SLC7A2: variants seen among roughly 807,000 people sequenced by gnomAD.
SLC7A2 encodes the protein cationic amino acid transporter 2.
A neutral mutation model predicts 58.9 loss-of-function variants in SLC7A2; 48 were observed. The observed-to-expected ratio is 0.82, with a 90% CI of 0.65 to 1.04. SLC7A2 has a LOEUF of 1.04. SLC7A2 is among the 50% of genes least tolerant of loss of function. The pLI is 0.00. For missense variants in SLC7A2, 1,029 were observed against 818.8 expected, an observed-to-expected ratio of 1.26 and a Z score of -3.13; for synonymous variants, 363 against 314.5, an observed-to-expected ratio of 1.15 and a Z score of -1.63.
Position 17,565,453 on chromosome 8 carries a change from G to GT in SLC7A2, c.*311dup. On this transcript the variant is annotated 3_prime_UTR_variant, in exon 13 of 13. Transcript: ENST00000494857. ...ACATGAGTGTTACAAGTTAGCTGGT[G>GT]TTTTACTATTATTGTGTTACATTTT... is the stretch of plus-strand genomic sequence containing the variant. The GT allele has an allele frequency of 4.0e-6, 1 of 247,168 alleles. No individual in the cohort carries two copies. The highest frequency in any genetic ancestry group is 7.8e-6 in the Non-Finnish European group (1 of 127,890). The allele number at this position is 247,168 out of a possible 1,614,324, so 15.3% of individuals were successfully genotyped here. A position where few individuals can be genotyped will look rare whatever the true frequency, so the allele number is the denominator to read the frequency against.
chr8:17,542,941 G>A (rs573337506), intron 2 of SLC7A2, among the ~76,000 whole-genome samples: 8 of 152,250 alleles, frequency 5.3e-5, no homozygotes, highest in East Asian at 1.9e-4. Context: ...CAGCCTGGGC[G>A]ACAGAGTGAG....
In SLC7A2 at chr8:17,521,210, A is replaced by G. The variant is rs1045519903; in HGVS notation, c.-23+18908A>G. ...TGAAATTGTATATTTTGATAGAGGG[A>G]GGTCAAATAAATGTTTATATTTCAA... On this transcript the variant is annotated intron_variant, in intron 2 of 12. Transcript: ENST00000494857. 8.1e-4 allele frequency among the ~76,000 whole-genome samples: 124 copies of G among 152,286 alleles called. 1 individual carries two copies. The highest frequency in any genetic ancestry group is 2.6e-3 in the African/African-American group (108 of 41,564).
Position 17,568,800 on chromosome 8 carries a change from CA to C in SLC7A2, c.*3662del, listed in dbSNP as rs1008247055. On this transcript the variant is annotated 3_prime_UTR_variant, in exon 13 of 13. Transcript: ENST00000494857. ...GTAGCATAGCAAGACCCTGTCTCTA[CA>C]AAAAAAACAAAAATTAGCTGGGCAT... 2 of 149,006 alleles carry C rather than the reference CA, an allele frequency of 1.3e-5. No individual in the cohort carries two copies. The highest frequency in any genetic ancestry group is 3.0e-5 in the Non-Finnish European group (2 of 67,220). The allele number at this position is 149,006 out of a possible 1,614,324, so 9.2% of individuals were successfully genotyped here.
In SLC7A2 at chr8:17,569,699, G is replaced by T. The variant is rs1216068938; in HGVS notation, c.*4553G>T. The T allele has an allele frequency of 6.6e-6, 1 of 152,140 alleles. No homozygotes were observed. Among genetic ancestry groups the T allele is most frequent in the Non-Finnish European group, 1.5e-5 (1 of 68,032 alleles). The allele number at this position is 152,140 out of a possible 1,614,324, so 9.4% of individuals were successfully genotyped here. A position where few individuals can be genotyped will look rare whatever the true frequency, so the allele number is the denominator to read the frequency against. On this transcript the variant is annotated 3_prime_UTR_variant, in exon 13 of 13. Transcript: ENST00000494857. Reference sequence around the variant, plus strand: ...TGTATATACACGGTTTAGTCTTACTGATTTCAAATGCATTTTGTTATTGCT... The same window carrying T: ...TGTATATACACGGTTTAGTCTTACTTATTTCAAATGCATTTTGTTATTGCT...
intron 2 of SLC7A2, among the ~76,000 whole-genome samples, chr8:17,509,392 G>T (rs1026705026): frequency 5.3e-5 from 8 of 151,912 alleles, no homozygotes; most frequent in African/African-American, 1.7e-4. Context: ...TGCAACCTCC[G>T]CCTCCCTGGT....
intron 2 of SLC7A2, chr8:17,520,704 TAC>T (rs1169985921): frequency 3.4e-6 from 2 of 589,706 alleles, no homozygotes; most frequent in Non-Finnish European, 4.2e-6. Flanking sequence ...TTACTTTCAT[TAC>T]AAAAAAGTTT....
chr8:17,538,768 T>G, intron 2 of SLC7A2: 2 of 1,607,540 alleles, frequency 1.2e-6, no homozygotes, highest in South Asian at 1.1e-5. Flanking sequence ...TTACTTTTTT[T>G]TCCATCAGTC....
intron 8 of SLC7A2, among the ~76,000 whole-genome samples, chr8:17,557,116 A>G (rs1328722187): frequency 6.6e-6 from 1 of 152,214 alleles, no homozygotes; most frequent in Non-Finnish European, 1.5e-5. Context: ...AAATCCAGCC[A>G]TTTTATATGC....
chr8:17,556,346 T>A (rs1371778117), intron 8 of SLC7A2, among the ~76,000 whole-genome samples: 2 of 152,220 alleles, frequency 1.3e-5, no homozygotes, highest in Non-Finnish European at 2.9e-5. Context: ...TATCTTTCTC[T>A]ATTCAGGAAG....
chr8:17,550,211 C>G, intron 5 of SLC7A2, 90 bp from the exon 6 acceptor site: 1 of 1,228,396 alleles, frequency 8.1e-7, no homozygotes. Flanking sequence ...ATAAACACAA[C>G]CACCTTCCAA....
rs772072948 is a variant in SLC7A2, at chr8:17,543,734, T to C, written c.376+19T>C. On this transcript the variant is annotated intron_variant, in intron 3 of 12. Transcript: ENST00000494857. ...GTGATAGGTATGTTTCAAAAAGAAA[T>C]CTAACTTGTGTGGAATGGAAGAAAT... The C allele has an allele frequency of 5.3e-6, 8 of 1,511,386 alleles. No homozygotes were observed. In the South Asian group the frequency reaches 9.5e-5, roughly 18 times the overall value. The allele number at this position is 1,511,386 out of a possible 1,614,324, so 93.6% of individuals were successfully genotyped here.
At chr8:17,541,841 T>C (rs1801925857) in intron 2 of SLC7A2, among the ~76,000 whole-genome samples, 1 of 152,230 alleles carries the variant, frequency 6.6e-6, no homozygotes, top group Non-Finnish European at 1.5e-5. Flanking sequence ...TTGCTTTAAG[T>C]CTTTTTACTG....
At chr8:17,506,972 C>CTTTTTTTTTT in intron 2 of SLC7A2, among the ~76,000 whole-genome samples, 1 of 143,832 alleles carries the variant, frequency 7.0e-6, no homozygotes, top group Non-Finnish European at 1.5e-5. Flanking sequence ...TTGAGGCAGA[C>CTTTTTTTTTT]TCTCACTCTG....
chr8:17,564,683 G>A (rs1803178649), intron 12 of SLC7A2, among the ~76,000 whole-genome samples: 1 of 152,118 alleles, frequency 6.6e-6, no homozygotes, highest in Admixed American at 6.5e-5. Flanking sequence ...GCTCTGACAG[G>A]AGGCAGAGCT....
At chr8:17,563,192 C>G (rs183408337) in intron 11 of SLC7A2, among the ~76,000 whole-genome samples, 7 of 152,240 alleles carry the variant, frequency 4.6e-5, no homozygotes, top group Admixed American at 1.3e-4. Context: ...AGCTCCTCCA[C>G]TGCAAGTTAA....
At position 17,570,547 on chromosome 8, in the gene SLC7A2, T is replaced by C. The variant is rs988105103; in HGVS notation, c.*5401T>C. The C allele has an allele frequency of 6.6e-6, 1 of 152,122 alleles. No homozygotes were observed. The highest frequency in any genetic ancestry group is 1.5e-5 in the Non-Finnish European group (1 of 68,018). The allele number at this position is 152,122 out of a possible 1,614,324, so 9.4% of individuals were successfully genotyped here. Reference sequence around the variant, plus strand: ...TTTCTGATGTGGTGTATTTTTAAAATAAATTTTAATATGTAATAATATAGA... The same window carrying C: ...TTTCTGATGTGGTGTATTTTTAAAACAAATTTTAATATGTAATAATATAGA... On this transcript the variant is annotated 3_prime_UTR_variant, in exon 13 of 13. Transcript: ENST00000494857.
chr8:17,548,628 T>G (rs1802290017), intron 4 of SLC7A2, 50 bp from the exon 5 acceptor site: 3 of 1,390,328 alleles, frequency 2.2e-6, no homozygotes, highest in Non-Finnish European at 3.0e-6. Context: ...CTCAAAATGC[T>G]ATTGCCTTTC....
chr8:17,548,554 G>T (rs897899491), intron 4 of SLC7A2, 124 bp from the exon 5 acceptor site: 24 of 690,810 alleles, frequency 3.5e-5, no homozygotes, highest in Non-Finnish European at 5.2e-5. Flanking sequence ...AGCAGTAGAG[G>T]TAGATAGATG....
At chr8:17,515,062 A>G (rs563978916) in intron 2 of SLC7A2, among the ~76,000 whole-genome samples, 1 of 152,326 alleles carries the variant, frequency 6.6e-6, no homozygotes, top group East Asian at 1.9e-4. Flanking sequence ...GTACCAGGAA[A>G]AGGGGAGGGA....
Sources: allele counts gnomAD v4.1 joint callset (sites outside exome capture counted in the v4.1 genomes callset), GRCh38; gene constraint gnomAD v4.1.1; transcripts MANE v1.5; gene names NCBI Gene and HGNC (gene_info 2026-07-23, HGNC 2026-07-21).